PPP4R4: variants seen among roughly 807,000 people sequenced by gnomAD.
The protein encoded by PPP4R4 is serine/threonine-protein phosphatase 4 regulatory subunit 4.
A neutral mutation model predicts 121.8 loss-of-function variants in PPP4R4; 70 were observed. The ratio of observed to expected loss-of-function variants is 0.57; its 90% CI spans 0.47 to 0.70. The LOEUF is 0.70. Among genes scored for constraint, PPP4R4 ranks in the 30% least tolerant of loss-of-function variants. The pLI is 0.00. For missense variants in PPP4R4, 875 were observed against 1,033.6 expected (o/e 0.85, Z 2.10); for synonymous variants, 348 against 355.7 (o/e 0.98, Z 0.24).
At chr14:94,254,841 G>T (rs912676767) in intron 16 of PPP4R4, among the ~76,000 whole-genome samples, 2 of 151,962 alleles carry the variant, frequency 1.3e-5, no homozygotes, top group East Asian at 3.9e-4. Context: ...TTTAGGCTCT[G>T]GGATTTACTC....
chr14:94,241,710 T>G (rs895578026), intron 9 of PPP4R4, 78 bp from the exon 10 acceptor site: 1 of 1,137,996 alleles, frequency 8.8e-7, no homozygotes, highest in African/African-American at 1.6e-5. Flanking sequence ...CAATTATATT[T>G]TTATTGTACT....
At position 94,263,968 on chromosome 14, in the gene PPP4R4, T is replaced by C. The variant is rs1893907025; in HGVS notation, c.2128-910T>C. On this transcript the variant is annotated intron_variant, in intron 19 of 24. Coordinates refer to ENST00000304338, the MANE Select transcript of PPP4R4 (RefSeq NM_058237.2). ...TCTAGCATGTCAGTTATACCAAGTT[T>C]GTTCAGAACTTGCTGTGTTTGTTGA... 2.6e-5 allele frequency among the ~76,000 whole-genome samples: 4 copies of C among 152,318 alleles called. No individual in the cohort carries two copies. In the South Asian group the frequency reaches 8.3e-4, roughly 32 times the overall value.
In PPP4R4 at chr14:94,259,413, A is replaced by T. The variant is rs889767259; in HGVS notation, c.2127+44A>T. ...CACACACATATACTCTTTTCTGATT[A>T]ATAACTGTGTTTTTTTATTAAACTT... On this transcript the variant is annotated intron_variant, in intron 19 of 24. Transcript: ENST00000304338. 4 of 1,474,386 alleles carry T rather than the reference A, an allele frequency of 2.7e-6. No homozygotes were observed. The African/African-American group carries it at 4.3e-5, about 16-fold the overall frequency. 91.3% of individuals were successfully genotyped at this position (1,474,386 alleles called of 1,614,324 possible). A position where few individuals can be genotyped will look rare whatever the true frequency, so the allele number is the denominator to read the frequency against.
chr14:94,259,402 C>A (rs774352382), intron 19 of PPP4R4, 33 bp downstream of exon 19: 2 of 1,517,816 alleles, frequency 1.3e-6, no homozygotes, highest in East Asian at 2.4e-5. Flanking sequence ...CACATATACT[C>A]TTTTCTGATT....
intron 22 of PPP4R4, among the ~76,000 whole-genome samples, chr14:94,266,279 T>C (rs1391219607): frequency 6.6e-6 from 1 of 152,160 alleles, no homozygotes; most frequent in Non-Finnish European, 1.5e-5. Context: ...AAAGAATCCA[T>C]TGGCATGTTC....
intron 14 of PPP4R4, among the ~76,000 whole-genome samples, chr14:94,247,581 C>G (rs1207560172): frequency 1.3e-5 from 2 of 152,162 alleles, no homozygotes; most frequent in Non-Finnish European, 2.9e-5. Flanking sequence ...CACCATCACC[C>G]TGATACCAAA....
intron 9 of PPP4R4, 88 bp downstream of exon 9, chr14:94,240,883 A>C: frequency 7.3e-7 from 1 of 1,378,404 alleles, no homozygotes; most frequent in Non-Finnish European, 9.5e-7. Context: ...TCTTCAGTTA[A>C]TTGTAAAGCC....
chr14:94,203,299 A>T (rs2139436465), intron 2 of PPP4R4, among the ~76,000 whole-genome samples: 1 of 152,322 alleles, frequency 6.6e-6, no homozygotes, highest in Non-Finnish European at 1.5e-5. Context: ...TACGGTATGT[A>T]ACCTTTTGGG....
At chr14:94,186,862 A>G (rs55866158) in intron 2 of PPP4R4, among the ~76,000 whole-genome samples, 14,152 of 152,178 alleles carry the variant, frequency 0.093, 807 homozygotes, top group South Asian at 0.15. Flanking sequence ...GAAGTCTCCA[A>G]CTGTAATTGC....
intron 3 of PPP4R4, among the ~76,000 whole-genome samples, chr14:94,211,149 C>G (rs1264680959): frequency 6.6e-6 from 1 of 152,198 alleles, no homozygotes; most frequent in Admixed American, 6.5e-5. Context: ...AAGGCAGGCA[C>G]TGTTCGAAGC....
chr14:94,265,311 G>T, intron 20 of PPP4R4, 76 bp from the exon 21 acceptor site: 1 of 1,040,150 alleles, frequency 9.6e-7, no homozygotes, highest in Non-Finnish European at 1.5e-6. Flanking sequence ...CATATTGTCT[G>T]AGTTGTCTTG....
chr14:94,214,781 A>G (rs928705974), intron 3 of PPP4R4, among the ~76,000 whole-genome samples: 2 of 152,160 alleles, frequency 1.3e-5, no homozygotes, highest in Admixed American at 6.5e-5. Context: ...TCCAAAATCA[A>G]AATGCTCCAA....
At chr14:94,260,351 G>A (rs1301742898) in intron 19 of PPP4R4, among the ~76,000 whole-genome samples, 3 of 152,028 alleles carry the variant, frequency 2.0e-5, no homozygotes, top group Non-Finnish European at 4.4e-5. Context: ...GCGTGAACCC[G>A]GGAGGCAGAG....
intron 23 of PPP4R4, 140 bp downstream of exon 23, chr14:94,267,169 T>C (rs553601126): frequency 7.3e-5 from 41 of 565,256 alleles, no homozygotes; most frequent in Non-Finnish European, 1.1e-4. Flanking sequence ...AATTAAACTT[T>C]TGTCTAGCAA....
chr14:94,221,962 G>T (rs1013328939), intron 3 of PPP4R4, among the ~76,000 whole-genome samples: 8 of 152,140 alleles, frequency 5.3e-5, no homozygotes, highest in African/African-American at 1.4e-4. Context: ...GTCAACTGTT[G>T]ATGGATAAGT....
intron 23 of PPP4R4, among the ~76,000 whole-genome samples, chr14:94,272,109 T>C (rs1055156021): frequency 1.3e-5 from 2 of 152,302 alleles, no homozygotes; most frequent in African/African-American, 4.8e-5. Flanking sequence ...ATAAACTAAA[T>C]GCAGTCTCAG....
At chr14:94,197,350 T>G (rs1288741546) in intron 2 of PPP4R4, among the ~76,000 whole-genome samples, 1 of 152,222 alleles carries the variant, frequency 6.6e-6, no homozygotes, top group Non-Finnish European at 1.5e-5. Flanking sequence ...TTTTGGTTTG[T>G]GTGGGAAATC....
At chr14:94,216,883 A>G (rs761985338) in intron 3 of PPP4R4, among the ~76,000 whole-genome samples, 1 of 152,096 alleles carries the variant, frequency 6.6e-6, no homozygotes. Flanking sequence ...GCCTTTTGAC[A>G]CTAGGGGCTG....
chr14:94,240,706 A>G lies in PPP4R4; in HGVS notation c.887A>G (p.Lys296Arg). 6.2e-7 allele frequency: 1 copy of G among 1,604,896 alleles called. No homozygotes were observed. Among genetic ancestry groups the G allele is most frequent in the East Asian group, 2.2e-5 (1 of 44,522 alleles). ...AGTCAAACTATACTTCCCTTAGTGA[A>G]ATCATTTTGTGAAAAATCTTTCAAA... Reference protein sequence around the residue: ...DRSQTILPLVKSFCEKSFKAD... With the variant: ...DRSQTILPLVRSFCEKSFKAD... Residue 296 changes from lysine (K) to arginine (R), a missense_variant, in exon 9 of 25, where the codon AAA becomes AGA. Coordinates refer to ENST00000304338, the MANE Select transcript of PPP4R4 (RefSeq NM_058237.2).
Sources: allele counts gnomAD v4.1 joint callset (sites outside exome capture counted in the v4.1 genomes callset), GRCh38; gene constraint gnomAD v4.1.1; transcripts MANE v1.5; gene names NCBI Gene and HGNC (gene_info 2026-07-23, HGNC 2026-07-21).